The following TRPA1 variants were observed in gnomAD, a reference collection of about 807,000 sequenced individuals.
TRPA1 encodes the protein ankyrin-like with transmembrane domains 1.
A neutral mutation model predicts 131.3 loss-of-function variants in TRPA1; 129 were observed. The ratio of observed to expected loss-of-function variants is 0.98; its 90% CI spans 0.85 to 1.14. The LOEUF (loss-of-function observed/expected upper bound fraction) is 1.14, where lower values mean the gene tolerates loss of function less well. Ranked by LOEUF, TRPA1 falls within the 50% of genes most tolerant of loss-of-function variation. The pLI, the probability that TRPA1 is intolerant of heterozygous loss-of-function variation, is 0.00. For synonymous variants in TRPA1, 441 were observed against 451.7 expected (o/e 0.98, Z 0.30); for missense variants, 1,304 against 1,354.2 (o/e 0.96, Z 0.58).
chr8:72,049,878 G>A (rs562344838), intron 15 of TRPA1, among the ~76,000 whole-genome samples: 4 of 152,232 alleles, frequency 2.6e-5, no homozygotes, highest in Admixed American at 1.3e-4. Context: ...ATGACAATAT[G>A]TGACAACTAG....
At chr8:72,072,551 G>C (rs2129436850) in intron 1 of TRPA1, among the ~76,000 whole-genome samples, 1 of 152,192 alleles carries the variant, frequency 6.6e-6, no homozygotes, top group Non-Finnish European at 1.5e-5. Context: ...TATAACTTTA[G>C]TGACTACAGG....
the TRPA1 span, among the ~76,000 whole-genome samples, chr8:72,082,636 A>G: frequency 6.6e-6 from 1 of 151,670 alleles, no homozygotes; most frequent in Non-Finnish European, 1.5e-5. Flanking sequence ...GTATTATTAC[A>G]TTGCCTTCTG....
At chr8:72,059,474 TAC>T in intron 7 of TRPA1, 36 bp from the exon 8 acceptor site, 1 of 1,289,818 alleles carries the variant, frequency 7.8e-7, no homozygotes, top group Non-Finnish European at 1.1e-6. Flanking sequence ...ATAATTAAAG[TAC>T]TATTGATGTA....
chr8:72,048,430 A>G (rs1344299935), intron 15 of TRPA1, among the ~76,000 whole-genome samples: 2 of 152,152 alleles, frequency 1.3e-5, no homozygotes, highest in African/African-American at 4.8e-5. Context: ...CAAAGGGACT[A>G]AGAAAATTAC....
Position 72,052,706 on chromosome 8 carries a change from C to T in TRPA1, c.1704G>A (p.Leu568=). 1 of 1,613,798 alleles carries T rather than the reference C, an allele frequency of 6.2e-7. No homozygotes were observed. The highest frequency in any genetic ancestry group is 8.5e-7 in the Non-Finnish European group (1 of 1,179,860). The change falls in exon 14 of 27, where the codon CTG becomes CTA. Residue 568 remains leucine, a synonymous_variant. Transcript: ENST00000262209. The stretch of plus-strand genomic sequence containing the variant: ...TCAGGACTATGTCAGCATTGTGGCT[C>T]AGAAGAAGCGCAACGGCTTTGGCGT... ...EGHAKAVALL[L]SHNADIVLNK...
chr8:72,041,502 A>G (rs372202179), intron 17 of TRPA1, among the ~76,000 whole-genome samples: 1 of 152,034 alleles, frequency 6.6e-6, no homozygotes, highest in Admixed American at 6.6e-5. Flanking sequence ...GATTGAAGTC[A>G]TATAAAATAT....
chr8:72,036,474 T>C lies in TRPA1; in HGVS notation c.2386-17A>G. On this transcript the variant is annotated splice_polypyrimidine_tract_variant and intron_variant, in intron 20 of 26. Transcript: ENST00000262209. Reference sequence around the variant, plus strand: ...ATTCCTTTTCTGGGATAGAAAAGAATAAAAAATTACCACATATAGAGACCT... The same window carrying C: ...ATTCCTTTTCTGGGATAGAAAAGAACAAAAAATTACCACATATAGAGACCT... The C allele has an allele frequency of 1.2e-6, 2 of 1,606,272 alleles. No individual in the cohort carries two copies. Among genetic ancestry groups the C allele is most frequent in the South Asian group, 1.1e-5 (1 of 90,808 alleles).
chr8:72,041,193 C>T (rs1812239626), intron 17 of TRPA1: 1 of 152,032 alleles, frequency 6.6e-6, no homozygotes. Flanking sequence ...ACCCACCTCA[C>T]ATTAGAGCTC....
At chr8:72,062,094 G>T (rs10109581) in intron 6 of TRPA1, among the ~76,000 whole-genome samples, 45,135 of 152,002 alleles carry the variant, frequency 0.3, 7,058 homozygotes, top group Middle Eastern at 0.44. Flanking sequence ...ATTCAGTGTA[G>T]GAAGTGACTT....
intron 3 of TRPA1, among the ~76,000 whole-genome samples, chr8:72,066,017 T>A (rs982718903): frequency 3.9e-5 from 6 of 152,144 alleles, no homozygotes; most frequent in East Asian, 1.9e-4. Context: ...AGGAAGGGAT[T>A]TTTTTTCTCC....
chr8:72,036,687 C>T (rs1339452548), intron 20 of TRPA1, among the ~76,000 whole-genome samples: 3 of 152,136 alleles, frequency 2.0e-5, no homozygotes, highest in East Asian at 1.9e-4. Flanking sequence ...TATGGGAATC[C>T]GACGCCTAAG....
rs61758123 is a variant in TRPA1 at position 72,062,817 on chromosome 8, T to G, written c.789A>C (p.Ala263=). The G allele has an allele frequency of 3.0e-4, 478 of 1,613,946 alleles. No homozygotes were observed. The highest frequency in any genetic ancestry group is 3.9e-4 in the Non-Finnish European group (464 of 1,179,982). The part of the protein sequence containing the change: ...EMIKMCLDNG[A]QIDPVEKGRC... ...GAGTTACCTCCACTGGGTCTATTTG[T>G]GCACCATTGTCCAGGCACATTTTGA... The change falls in exon 6 of 27, where the codon GCA becomes GCC. Residue 263 remains alanine (A), a synonymous_variant. Coordinates refer to ENST00000262209, the MANE Select transcript of TRPA1 (RefSeq NM_007332.3).
In TRPA1 at chr8:72,033,760, A is replaced by C. The variant is rs1811924993; in HGVS notation, c.2752T>G (p.Tyr918Asp). ...TATGGTTCTAGGAAGGACTCTCGAT[A>C]ATTGATATCTCCTAGCATCATGCTG... ...TFSMMLGDIN[Y>D]RESFLEPYLR... The change falls in exon 23 of 27, where the codon TAT (tyrosine) becomes GAT (aspartate). Residue 918 changes from tyrosine to aspartate, a missense_variant. Tyr to Asp is a radical substitution (Grantham distance 160, BLOSUM62 -3). Transcript: ENST00000262209. 6.2e-7 allele frequency: 1 copy of C among 1,613,932 alleles called. No individual in the cohort carries two copies. Among genetic ancestry groups the C allele is most frequent in the African/African-American group, 1.3e-5 (1 of 74,934 alleles).
intron 1 of TRPA1, among the ~76,000 whole-genome samples, chr8:72,072,750 C>G (rs1339100292): frequency 6.6e-6 from 1 of 152,144 alleles, no homozygotes; most frequent in African/African-American, 2.4e-5. Context: ...AGGGATTATG[C>G]TGCCCACTCC....
chr8:72,040,603 C>T (rs1169329419), intron 17 of TRPA1, among the ~76,000 whole-genome samples: 2 of 152,120 alleles, frequency 1.3e-5, no homozygotes, highest in Non-Finnish European at 2.9e-5. Flanking sequence ...TAACTTCTGA[C>T]TTCTAAGGGG....
intron 8 of TRPA1, among the ~76,000 whole-genome samples, chr8:72,058,345 TA>T (rs1423905558): frequency 4.6e-5 from 7 of 152,200 alleles, no homozygotes; most frequent in African/African-American, 1.7e-4. Context: ...AATTTATATT[TA>T]AAAATCACAT....
At chr8:72,080,231 G>T (rs73294684), upstream of TRPA1, among the ~76,000 whole-genome samples, 5,831 of 151,786 alleles carry the variant, frequency 0.038, 377 homozygotes, top group African/African-American at 0.13. Context: ...CAATCTTAGG[G>T]GGAAAGCAAT....
chr8:72,059,731 C>T (rs1053232893), intron 7 of TRPA1, among the ~76,000 whole-genome samples: 2 of 152,098 alleles, frequency 1.3e-5, no homozygotes, highest in African/African-American at 4.8e-5. Flanking sequence ...TGAGTAGTAA[C>T]GTCTGTCCCA....
At chr8:72,044,278 C>CT (rs1812353972) in intron 17 of TRPA1, among the ~76,000 whole-genome samples, 1 of 150,444 alleles carries the variant, frequency 6.6e-6, no homozygotes, top group Non-Finnish European at 1.5e-5. Context: ...GTAGATTTGA[C>CT]TTTTTTTCCA....
Sources: gnomAD v4.1 joint callset for allele counts (sites outside exome capture counted in the v4.1 genomes callset) on GRCh38, gnomAD v4.1.1 for gene constraint, MANE v1.5 for transcripts, NCBI Gene and HGNC (gene_info 2026-07-23, HGNC 2026-07-21) for gene names.